NCKAP5: variants seen among roughly 807,000 people sequenced by gnomAD.
NCKAP5 encodes the protein NCK associated protein 5.
In NCKAP5, 92 loss-of-function variants were observed where a neutral mutation model predicts 167.0. That is an observed-to-expected ratio of 0.55 (90% confidence interval 0.47 to 0.66). The LOEUF (loss-of-function observed/expected upper bound fraction) is 0.66, where lower values mean the gene tolerates loss of function less well. Among genes scored for constraint, NCKAP5 ranks in the 30% least tolerant of loss-of-function variants. The probability of loss-of-function intolerance (pLI) is 0.00; values close to 1 mark genes in which losing one functional copy is unlikely to be tolerated. For synonymous variants in NCKAP5, 891 were observed against 877.4 expected (o/e 1.02, Z -0.27); for missense variants, 2,378 against 2,315.0 (o/e 1.03, Z -0.56).
chr2:132,698,913 G>A (rs1897167), intron 19 of NCKAP5, among the ~76,000 whole-genome samples: 61,207 of 152,070 alleles, frequency 0.4, 14,130 homozygotes, highest in East Asian at 0.57. Flanking sequence ...CAGAAACTCT[G>A]GGTTAAGGCC....
At chr2:133,294,188 G>A (rs768001062) in intron 4 of NCKAP5, among the ~76,000 whole-genome samples, 6 of 152,142 alleles carry the variant, frequency 3.9e-5, no homozygotes, top group African/African-American at 4.8e-5. Context: ...ATTTTATTCA[G>A]TGTCCACCAT....
intron 11 of NCKAP5, among the ~76,000 whole-genome samples, chr2:132,856,302 AT>A (rs1478834648): frequency 1.3e-5 from 2 of 152,150 alleles, no homozygotes; most frequent in Non-Finnish European, 2.9e-5. Context: ...GATCAGACTC[AT>A]GGATAGATTT....
At chr2:133,300,347 A>T (rs1275278163) in intron 4 of NCKAP5, among the ~76,000 whole-genome samples, 1 of 133,874 alleles carries the variant, frequency 7.5e-6, no homozygotes, top group African/African-American at 3.2e-5. Context: ...TTAGACGAAT[A>T]TCCTTGATGA....
intron 11 of NCKAP5, among the ~76,000 whole-genome samples, chr2:132,816,371 T>C (rs79896712): frequency 0.021 from 3,250 of 152,108 alleles, 57 homozygotes; most frequent in Non-Finnish European, 0.031. Context: ...AATGCTTCAG[T>C]AGGTTCGTTT....
At chr2:133,506,406 A>C (rs1245199309) in intron 3 of NCKAP5, among the ~76,000 whole-genome samples, 1 of 152,134 alleles carries the variant, frequency 6.6e-6, no homozygotes, top group African/African-American at 2.4e-5. Flanking sequence ...GGCCTCTCCA[A>C]ATCTACCCTT....
intron 3 of NCKAP5, among the ~76,000 whole-genome samples, chr2:133,385,545 G>A (rs1264332271): frequency 6.6e-6 from 1 of 152,200 alleles, no homozygotes; most frequent in Non-Finnish European, 1.5e-5. Flanking sequence ...TGGGTATCAG[G>A]ATGATGCTGG....
intron 3 of NCKAP5, among the ~76,000 whole-genome samples, chr2:133,438,440 C>G (rs756966845): frequency 1.3e-5 from 2 of 152,166 alleles, no homozygotes; most frequent in Non-Finnish European, 2.9e-5. Flanking sequence ...TATCATCAGA[C>G]TGCAAAATAA....
intron 4 of NCKAP5, among the ~76,000 whole-genome samples, chr2:133,220,415 G>A (rs1440990121): frequency 6.6e-6 from 1 of 152,132 alleles, no homozygotes; most frequent in Non-Finnish European, 1.5e-5. Flanking sequence ...TTCTCTCCAG[G>A]AAGAATGAAA....
At chr2:132,965,139 C>T (rs1236869218) in intron 7 of NCKAP5, among the ~76,000 whole-genome samples, 3 of 152,128 alleles carry the variant, frequency 2.0e-5, no homozygotes, top group Non-Finnish European at 4.4e-5. Flanking sequence ...CTAATTTCTC[C>T]TGTCATCTCT....
Position 132,860,690 on chromosome 2 carries a change from C to T in NCKAP5, c.688-79G>A, listed in dbSNP as rs1689827533. 3 of 1,444,794 alleles carry T rather than the reference C, an allele frequency of 2.1e-6. No homozygotes were observed. The African/African-American group carries it at 4.3e-5, about 21-fold the overall frequency. 89.5% of individuals were successfully genotyped at this position (1,444,794 alleles called of 1,614,324 possible). ...CATATTATAACCATATTTTATATAT[C>T]TCAGATCATTAGTAAAAAACGGTAT... On this transcript the variant is annotated intron_variant, in intron 10 of 19. Transcript: ENST00000409261.
At chr2:133,220,432 T>C (rs1043483537) in intron 4 of NCKAP5, among the ~76,000 whole-genome samples, 2 of 152,232 alleles carry the variant, frequency 1.3e-5, no homozygotes, top group African/African-American at 4.8e-5. Flanking sequence ...GAAACAGAGC[T>C]ACTCTTCTTA....
chr2:132,972,147 A>G (rs2076853970), intron 7 of NCKAP5, among the ~76,000 whole-genome samples: 1 of 152,214 alleles, frequency 6.6e-6, no homozygotes. Flanking sequence ...AAACAAGCTG[A>G]TACACATTTA....
At chr2:133,212,143 T>C (rs1352236745) in intron 5 of NCKAP5, among the ~76,000 whole-genome samples, 2 of 152,206 alleles carry the variant, frequency 1.3e-5, no homozygotes, top group Admixed American at 1.3e-4. Flanking sequence ...ATGAGGAAAC[T>C]GACCTACGAA....
At position 132,992,597 on chromosome 2, in the gene NCKAP5, G is replaced by A. The variant is rs538921818; in HGVS notation, c.429+1555C>T. 3.3e-5 allele frequency among the ~76,000 whole-genome samples: 5 copies of A among 152,248 alleles called. No individual in the cohort carries two copies. In the South Asian group the frequency reaches 8.3e-4, roughly 25 times the overall value. The stretch of plus-strand genomic sequence containing the variant: ...GCATCGAACCATTCAATGCAGAATC[G>A]AGTCGCATTTTTTACTTACACCTCA... On this transcript the variant is annotated intron_variant, in intron 7 of 19. Coordinates refer to ENST00000409261, the MANE Select transcript of NCKAP5 (RefSeq NM_207363.3).
chr2:133,204,085 C>G (rs2085833949), intron 5 of NCKAP5, among the ~76,000 whole-genome samples: 1 of 152,230 alleles, frequency 6.6e-6, no homozygotes, highest in Non-Finnish European at 1.5e-5. Context: ...GACGTGCCTT[C>G]ACTAACCCCA....
chr2:132,787,377 T>C (rs1683673131), intron 13 of NCKAP5, among the ~76,000 whole-genome samples: 1 of 150,504 alleles, frequency 6.6e-6, no homozygotes, highest in African/African-American at 2.4e-5. Flanking sequence ...GGCTATATGA[T>C]TAATGGTAAA....
At chr2:132,882,807 C>G (rs1691870956) in intron 8 of NCKAP5, among the ~76,000 whole-genome samples, 1 of 152,100 alleles carries the variant, frequency 6.6e-6, no homozygotes, top group African/African-American at 2.4e-5. Context: ...GTGTCCCTCC[C>G]TCTCCTGCCT....
the NCKAP5 span, among the ~76,000 whole-genome samples, chr2:133,581,512 C>T: frequency 2.8e-4 from 42 of 152,268 alleles, no homozygotes; most frequent in African/African-American, 9.9e-4. Context: ...GTGACAGGTT[C>T]CTCTGACAGC....
At chr2:133,144,974 T>C (rs2149855355) in intron 5 of NCKAP5, among the ~76,000 whole-genome samples, 1 of 152,244 alleles carries the variant, frequency 6.6e-6, no homozygotes, top group Admixed American at 6.5e-5. Context: ...GGTCATAATA[T>C]ACATACAGGT....
Sources: allele counts gnomAD v4.1 joint callset (sites outside exome capture counted in the v4.1 genomes callset), GRCh38; gene constraint gnomAD v4.1.1; transcripts MANE v1.5; gene names NCBI Gene and HGNC (gene_info 2026-07-23, HGNC 2026-07-21).